TMEM217B: variants seen among roughly 807,000 people sequenced by gnomAD.
TMEM217B encodes putative transmembrane protein 217B.
chr6:37,252,155 A>C, the TMEM217B span, among the ~76,000 whole-genome samples: 2 of 152,194 alleles, frequency 1.3e-5, no homozygotes. Context: ...GGCCTCCCAA[A>C]GTGCTGGGAT....
the TMEM217B span, chr6:37,218,359 C>T: frequency 2.3e-5 from 30 of 1,313,352 alleles, no homozygotes; most frequent in African/African-American, 3.0e-5. Flanking sequence ...TTAGTAGAGA[C>T]GGGGTTTTGC....
At chr6:37,214,359 C>T in the TMEM217B span, among the ~76,000 whole-genome samples, 1 of 152,088 alleles carries the variant, frequency 6.6e-6, no homozygotes, top group Non-Finnish European at 1.5e-5. Flanking sequence ...TCCCAAGTAG[C>T]TGGGATTACA....
At chr6:37,212,646 G>A in the TMEM217B span, 17 of 546,848 alleles carry the variant, frequency 3.1e-5, no homozygotes, top group African/African-American at 2.4e-4. Context: ...TGATGATCCC[G>A]TTGAGGAGCA....
chr6:37,239,213 G>C, the TMEM217B span, among the ~76,000 whole-genome samples: 1 of 152,164 alleles, frequency 6.6e-6, no homozygotes, highest in Non-Finnish European at 1.5e-5. Context: ...CATGGGCTGG[G>C]CACAGTGGCT....
chr6:37,237,703 G>T, the TMEM217B span, among the ~76,000 whole-genome samples: 1 of 151,986 alleles, frequency 6.6e-6, no homozygotes, highest in Non-Finnish European at 1.5e-5. Context: ...GAGTCAAAAG[G>T]AACAACTGTA....
the TMEM217B span, among the ~76,000 whole-genome samples, chr6:37,229,266 C>T: frequency 6.6e-6 from 1 of 150,800 alleles, no homozygotes; most frequent in Non-Finnish European, 1.5e-5. Flanking sequence ...AGAGTAAGCC[C>T]TTGTCCTGTG....
the TMEM217B span, among the ~76,000 whole-genome samples, chr6:37,241,672 T>A: frequency 7.2e-5 from 11 of 152,342 alleles, no homozygotes; most frequent in East Asian, 2.1e-3. Flanking sequence ...TAAGAGAGAT[T>A]GAATTTTTTT....
At chr6:37,234,382 G>A in the TMEM217B span, among the ~76,000 whole-genome samples, 22 of 152,294 alleles carry the variant, frequency 1.4e-4, no homozygotes, top group African/African-American at 4.8e-4. Context: ...CTACAGGCGT[G>A]AGCCACCACG....
At chr6:37,239,904 A>G in the TMEM217B span, among the ~76,000 whole-genome samples, 21 of 152,000 alleles carry the variant, frequency 1.4e-4, no homozygotes, top group South Asian at 2.9e-3. Flanking sequence ...AAAAAAAAAA[A>G]AAGAAGAATG....
the TMEM217B span, chr6:37,258,064 G>A: frequency 9.0e-6 from 13 of 1,441,686 alleles, no homozygotes; most frequent in Admixed American, 2.2e-5. Flanking sequence ...GCGCCACAGA[G>A]GCCAGAAGAC....
At chr6:37,234,136 G>A in the TMEM217B span, among the ~76,000 whole-genome samples, 1 of 138,468 alleles carries the variant, frequency 7.2e-6, no homozygotes. Flanking sequence ...GTCTTGCTCT[G>A]TCACCCAGGA....
chr6:37,243,628 C>G, the TMEM217B span, among the ~76,000 whole-genome samples: 1 of 152,154 alleles, frequency 6.6e-6, no homozygotes, highest in African/African-American at 2.4e-5. Context: ...GACAGAGTTT[C>G]TCTCTTGTTG....
At chr6:37,219,831 A>G in the TMEM217B span, among the ~76,000 whole-genome samples, 727 of 152,240 alleles carry the variant, frequency 4.8e-3, 7 homozygotes, top group African/African-American at 0.016. Flanking sequence ...AGACCTGAGT[A>G]CAGATGTTTC....
At chr6:37,232,776 T>A in the TMEM217B span, among the ~76,000 whole-genome samples, 2 of 152,242 alleles carry the variant, frequency 1.3e-5, no homozygotes, top group Admixed American at 6.5e-5. Flanking sequence ...CTTCCATTTA[T>A]CATTTCAGTT....
the TMEM217B span, among the ~76,000 whole-genome samples, chr6:37,250,162 A>G: frequency 2.0e-5 from 3 of 152,356 alleles, no homozygotes; most frequent in South Asian, 6.2e-4. Flanking sequence ...ATAGATGTAT[A>G]CAATATTATG....
chr6:37,222,270 C>T, the TMEM217B span, among the ~76,000 whole-genome samples: 9,264 of 152,252 alleles, frequency 0.061, 344 homozygotes, highest in Non-Finnish European at 0.086. Flanking sequence ...TTACTGAGGA[C>T]CCGCCCCCTT....
the TMEM217B span, among the ~76,000 whole-genome samples, chr6:37,252,260 A>C: frequency 2.6e-5 from 4 of 152,180 alleles, no homozygotes; most frequent in Non-Finnish European, 5.9e-5. Flanking sequence ...ATGTAACATA[A>C]AGTTCAAATT....
At chr6:37,231,752 GTTA>G in the TMEM217B span, among the ~76,000 whole-genome samples, 1 of 145,702 alleles carries the variant, frequency 6.9e-6, no homozygotes, top group Non-Finnish European at 1.5e-5. Flanking sequence ...TATATATTAT[GTTA>G]TTATATATAA....
At chr6:37,245,523 A>G in the TMEM217B span, among the ~76,000 whole-genome samples, 1 of 152,238 alleles carries the variant, frequency 6.6e-6, no homozygotes, top group Non-Finnish European at 1.5e-5. Flanking sequence ...AGTTCACAGG[A>G]AGGTTGGGAA....
Sources: allele counts gnomAD v4.1 joint callset (sites outside exome capture counted in the v4.1 genomes callset), GRCh38; gene constraint gnomAD v4.1.1; transcripts MANE v1.5; gene names NCBI Gene and HGNC (gene_info 2026-07-23, HGNC 2026-07-21).